The following UBL3 variants were observed in gnomAD, a reference collection of about 807,000 sequenced individuals.
The protein encoded by UBL3 is ubiquitin like 3, also known as ubiquitin-like protein 3.
Under a neutral mutation model 18.4 loss-of-function variants are expected in UBL3, and 6 were observed. The ratio of observed to expected loss-of-function variants is 0.33; its 90% CI spans 0.18 to 0.64. UBL3 has a LOEUF of 0.64. Among genes scored for constraint, UBL3 ranks in the 30% least tolerant of loss-of-function variants. The probability of loss-of-function intolerance (pLI) is 0.76; values close to 1 mark genes in which losing one functional copy is unlikely to be tolerated. For synonymous variants in UBL3, 49 were observed against 46.6 expected (o/e 1.05, Z -0.21); for missense variants, 109 against 142.9 (o/e 0.76, Z 1.21).
At chr13:29,780,425 T>TATAC (rs71299878) in intron 1 of UBL3, among the ~76,000 whole-genome samples, 5 of 136,290 alleles carry the variant, frequency 3.7e-5, no homozygotes, top group African/African-American at 1.4e-4. Flanking sequence ...TATAATAAGT[T>TATAC]ATATATATAT....
intron 1 of UBL3, among the ~76,000 whole-genome samples, chr13:29,839,653 C>T (rs751033106): frequency 1.6e-4 from 24 of 152,098 alleles, no homozygotes; most frequent in Non-Finnish European, 3.2e-4. Flanking sequence ...ATAGGCCGGG[C>T]GCAGTGGCTC....
At chr13:29,840,788 A>G (rs1041509525) in intron 1 of UBL3, among the ~76,000 whole-genome samples, 8 of 152,206 alleles carry the variant, frequency 5.3e-5, no homozygotes, top group African/African-American at 1.9e-4. Flanking sequence ...AAGAATATCC[A>G]TTATGTCATT....
chr13:29,820,641 A>T (rs1878410972), intron 1 of UBL3, among the ~76,000 whole-genome samples: 1 of 152,220 alleles, frequency 6.6e-6, no homozygotes, highest in Non-Finnish European at 1.5e-5. Context: ...CCCTTGAGTT[A>T]TCATCCACTA....
At chr13:29,781,828 T>TAAAAAAAAA (rs11357100) in intron 1 of UBL3, among the ~76,000 whole-genome samples, 28 of 82,696 alleles carry the variant, frequency 3.4e-4, no homozygotes, top group East Asian at 7.2e-4. Context: ...TACAAAAAAT[T>TAAAAAAAAA]AAAAAAAAAA....
At chr13:29,785,756 C>G (rs1046988006) in intron 1 of UBL3, among the ~76,000 whole-genome samples, 1 of 152,064 alleles carries the variant, frequency 6.6e-6, no homozygotes, top group Non-Finnish European at 1.5e-5. Flanking sequence ...CTGCTTGGTA[C>G]CTGGATTGCA....
intron 1 of UBL3, among the ~76,000 whole-genome samples, chr13:29,844,622 T>C (rs1438606359): frequency 6.6e-6 from 1 of 152,108 alleles, no homozygotes; most frequent in Admixed American, 6.6e-5. Flanking sequence ...ATTCAGAAAA[T>C]TTACTGGTTC....
intron 1 of UBL3, among the ~76,000 whole-genome samples, chr13:29,785,804 T>C (rs1276535013): frequency 1.3e-5 from 2 of 152,168 alleles, no homozygotes; most frequent in Non-Finnish European, 2.9e-5. Context: ...TCTCATAACC[T>C]TGAAGCTATG....
At chr13:29,843,169 C>T (rs2139370045) in intron 1 of UBL3, among the ~76,000 whole-genome samples, 1 of 152,148 alleles carries the variant, frequency 6.6e-6, no homozygotes. Context: ...ATTTTTTTGA[C>T]TGAAGATCCC....
At chr13:29,767,397 T>C in intron 4 of UBL3, 90 bp from the exon 5 acceptor site, 1 of 1,475,038 alleles carries the variant, frequency 6.8e-7, no homozygotes, top group Non-Finnish European at 9.3e-7. Flanking sequence ...AAGTAGTAGT[T>C]TTGAGTTTTT....
chr13:29,846,079 C>A (rs1382326926), intron 1 of UBL3, among the ~76,000 whole-genome samples: 1 of 151,958 alleles, frequency 6.6e-6, no homozygotes, highest in Admixed American at 6.6e-5. Flanking sequence ...TATTTTCTTG[C>A]AAAAAACCTA....
chr13:29,788,577 A>G (rs1877385695), intron 1 of UBL3, among the ~76,000 whole-genome samples: 2 of 152,104 alleles, frequency 1.3e-5, no homozygotes, highest in South Asian at 4.1e-4. Context: ...TTTGATTTCT[A>G]TCTTATTCGA....
rs190299130 is a variant in UBL3 at position 29,837,418 on chromosome 13, C to G, written c.27+12094G>C. 9.2e-4 allele frequency among the ~76,000 whole-genome samples: 140 copies of G among 151,938 alleles called. 1 individual carries two copies. Among genetic ancestry groups the G allele is most frequent in the African/African-American group, 3.3e-3 (138 of 41,378 alleles). Reference sequence around the variant, plus strand: ...TAATTAGAAATAACTGGATACTGGACAGTGAAAATACAAGTGAACATGAAG... The same window carrying G: ...TAATTAGAAATAACTGGATACTGGAGAGTGAAAATACAAGTGAACATGAAG... On this transcript the variant is annotated intron_variant, in intron 1 of 4. Coordinates refer to ENST00000380680, the MANE Select transcript of UBL3 (RefSeq NM_007106.4).
chr13:29,776,133 G>A (rs1419667966), intron 2 of UBL3, among the ~76,000 whole-genome samples: 1 of 151,912 alleles, frequency 6.6e-6, no homozygotes, highest in African/African-American at 2.4e-5. Flanking sequence ...GAAGACCACA[G>A]AGAATGTATT....
chr13:29,767,380 G>C, intron 4 of UBL3, 73 bp from the exon 5 acceptor site: 2 of 1,543,762 alleles, frequency 1.3e-6, no homozygotes, highest in Non-Finnish European at 1.8e-6. Flanking sequence ...AGGCAATCAA[G>C]TGTAGGAAGT....
chr13:29,767,480 G>C, intron 4 of UBL3, 138 bp downstream of exon 4: 1 of 1,183,678 alleles, frequency 8.4e-7, no homozygotes, highest in Non-Finnish European at 1.2e-6. Context: ...TTTCAAAAAT[G>C]TCTGGTTATT....
chr13:29,773,982 C>A (rs1185376116), intron 2 of UBL3, among the ~76,000 whole-genome samples: 1 of 152,074 alleles, frequency 6.6e-6, no homozygotes, highest in Non-Finnish European at 1.5e-5. Flanking sequence ...ATCTTTAGTA[C>A]ATTATGTGAT....
At chr13:29,797,981 C>T (rs1339825001) in intron 1 of UBL3, among the ~76,000 whole-genome samples, 3 of 150,876 alleles carry the variant, frequency 2.0e-5, no homozygotes, top group East Asian at 3.9e-4. Flanking sequence ...CCACCATTAC[C>T]CAGTTTTTCA....
At chr13:29,783,529 G>A (rs960545676) in intron 1 of UBL3, among the ~76,000 whole-genome samples, 7 of 152,112 alleles carry the variant, frequency 4.6e-5, no homozygotes, top group African/African-American at 7.2e-5. Context: ...AAGCAATCAC[G>A]CAGATAACTG....
At chr13:29,777,688 A>C (rs768736085) in intron 1 of UBL3, among the ~76,000 whole-genome samples, 1 of 152,208 alleles carries the variant, frequency 6.6e-6, no homozygotes, top group Non-Finnish European at 1.5e-5. Flanking sequence ...CTTCTTAAAA[A>C]ATATAATTAA....
Sources: allele counts gnomAD v4.1 joint callset (sites outside exome capture counted in the v4.1 genomes callset), GRCh38; gene constraint gnomAD v4.1.1; transcripts MANE v1.5; gene names NCBI Gene and HGNC (gene_info 2026-07-23, HGNC 2026-07-21).